The following GRID1 variants were observed in gnomAD, a reference collection of about 807,000 sequenced individuals.
GRID1 encodes the protein glutamate receptor ionotropic, delta-1.
GRID1 carries 28 observed loss-of-function variants against 98.0 expected under a neutral mutation model. That is an observed-to-expected ratio of 0.29 (90% CI 0.21 to 0.39). The LOEUF (loss-of-function observed/expected upper bound fraction) is 0.39. Among genes scored for constraint, GRID1 ranks in the 10% least tolerant of loss-of-function variants. The probability of loss-of-function intolerance (pLI) is 1.00; values close to 1 mark genes in which losing one functional copy is unlikely to be tolerated. For synonymous variants in GRID1, 553 were observed against 538.5 expected (o/e 1.03, Z -0.37); for missense variants, 1,111 against 1,340.5 (o/e 0.83, Z 2.67).
chr10:85,769,288 C>T (rs1842229971), intron 8 of GRID1, among the ~76,000 whole-genome samples: 1 of 152,192 alleles, frequency 6.6e-6, no homozygotes, highest in East Asian at 1.9e-4. Flanking sequence ...TGTTCTCACT[C>T]ATAAGTGGGA....
At chr10:86,253,347 T>C (rs536919586) in intron 2 of GRID1, among the ~76,000 whole-genome samples, 78 of 152,238 alleles carry the variant, frequency 5.1e-4, no homozygotes, top group South Asian at 1.9e-3. Flanking sequence ...TGATTCTTCA[T>C]TGGAAACTGA....
intron 4 of GRID1, among the ~76,000 whole-genome samples, chr10:85,956,249 T>C (rs1165450537): frequency 6.6e-6 from 1 of 152,226 alleles, no homozygotes; most frequent in Admixed American, 6.5e-5. Flanking sequence ...GTGCAAGTCC[T>C]GCACTCCAGG....
intron 2 of GRID1, among the ~76,000 whole-genome samples, chr10:86,271,634 A>G (rs943342249): frequency 1.3e-5 from 2 of 152,272 alleles, no homozygotes; most frequent in Non-Finnish European, 2.9e-5. Flanking sequence ...TTTAAAAAAT[A>G]AACTGAATTG....
chr10:86,115,850 T>G (rs4598617), intron 4 of GRID1, among the ~76,000 whole-genome samples: 138,534 of 152,292 alleles, frequency 0.91, 63,068 homozygotes, highest in East Asian at 1. Flanking sequence ...GTTAACCATG[T>G]ACTGCATCTA....
intron 2 of GRID1, among the ~76,000 whole-genome samples, chr10:86,336,198 A>G (rs2132106172): frequency 6.6e-6 from 1 of 152,298 alleles, no homozygotes; most frequent in African/African-American, 2.4e-5. Context: ...TGTGTCTAAG[A>G]AGGAGATTGT....
intron 3 of GRID1, among the ~76,000 whole-genome samples, chr10:86,146,618 T>C (rs1845092970): frequency 6.6e-6 from 1 of 152,214 alleles, no homozygotes; most frequent in Admixed American, 6.5e-5. Flanking sequence ...TTCTCAGCTA[T>C]GCATTTCCTC....
intron 13 of GRID1, among the ~76,000 whole-genome samples, chr10:85,635,766 G>T (rs1843032517): frequency 6.6e-6 from 1 of 152,144 alleles, no homozygotes; most frequent in Non-Finnish European, 1.5e-5. Context: ...GAAAGCCCAG[G>T]GAAGGCTCAG....
chr10:85,621,141 T>C (rs1842854799), intron 13 of GRID1, among the ~76,000 whole-genome samples: 1 of 152,190 alleles, frequency 6.6e-6, no homozygotes, highest in Admixed American at 6.5e-5. Context: ...CACCTGGCCA[T>C]CTTAAAACAA....
intron 12 of GRID1, among the ~76,000 whole-genome samples, chr10:85,667,421 T>C (rs1033889112): frequency 5.9e-5 from 9 of 151,846 alleles, no homozygotes; most frequent in African/African-American, 1.9e-4. Flanking sequence ...ACACAAACAA[T>C]AGAAGATTAT....
At chr10:86,080,425 AG>A (rs1442012181) in intron 4 of GRID1, among the ~76,000 whole-genome samples, 1 of 11,316 alleles carries the variant, frequency 8.8e-5, no homozygotes, top group Non-Finnish European at 1.5e-4. Flanking sequence ...AGGGGAGGGG[AG>A]GGGAGGGGAG....
At chr10:86,032,339 A>AT (rs1233307915) in intron 4 of GRID1, among the ~76,000 whole-genome samples, 3 of 152,184 alleles carry the variant, frequency 2.0e-5, no homozygotes, top group African/African-American at 7.2e-5. Context: ...CCAGCAGCTC[A>AT]TTGAGAACGG....
intron 5 of GRID1, among the ~76,000 whole-genome samples, chr10:85,873,647 A>G (rs902621751): frequency 6.6e-6 from 1 of 152,184 alleles, no homozygotes; most frequent in Non-Finnish European, 1.5e-5. Flanking sequence ...TCATGCTCTG[A>G]TTAGTGTAGC....
intron 4 of GRID1, among the ~76,000 whole-genome samples, chr10:86,001,882 T>C (rs1422316842): frequency 6.6e-6 from 1 of 152,170 alleles, no homozygotes; most frequent in African/African-American, 2.4e-5. Flanking sequence ...AAGGCCGTGC[T>C]CCCTTCAAAG....
intron 2 of GRID1, among the ~76,000 whole-genome samples, chr10:86,232,199 GAGGGC>G (rs938084804): frequency 6.6e-5 from 10 of 152,214 alleles, no homozygotes; most frequent in Non-Finnish European, 1.0e-4. Flanking sequence ...GGAGGCCAGG[GAGGGC>G]CCCAGGGGAA....
chr10:86,269,603 C>T (rs1434043806), intron 2 of GRID1, among the ~76,000 whole-genome samples: 5 of 152,218 alleles, frequency 3.3e-5, no homozygotes, highest in Admixed American at 3.3e-4. Context: ...CCTCTTGCCT[C>T]TCCTGGTTCT....
chr10:86,365,651 T>A lies in GRID1; in HGVS notation c.79+663A>T, dbSNP rs113371313. ...ACTCTAGGACTGTCCAGGATGGGGA[T>A]GCAGTCGCCACAACCAGATACACAC... On this transcript the variant is annotated intron_variant, in intron 1 of 15. Transcript: ENST00000327946. This position sits in a 1 kb window ranked among gnomAD's most constrained non-coding sequence, Gnocchi z 4.8. Among the ~76,000 whole-genome samples the A allele has an allele frequency of 0.016, 2,372 of 150,968 alleles. 67 individuals carry two copies. Among genetic ancestry groups the A allele is most frequent in the African/African-American group, 0.052 (2,142 of 41,026 alleles).
chr10:86,138,106 A>T (rs533800759), intron 4 of GRID1, among the ~76,000 whole-genome samples: 1 of 152,266 alleles, frequency 6.6e-6, no homozygotes, highest in South Asian at 2.1e-4. Flanking sequence ...CCCAGGCCAG[A>T]GGGAGACCTG....
At chr10:86,244,130 G>A (rs1012432478) in intron 2 of GRID1, among the ~76,000 whole-genome samples, 1 of 152,190 alleles carries the variant, frequency 6.6e-6, no homozygotes, top group Admixed American at 6.5e-5. Flanking sequence ...GGCTGATAGT[G>A]GGACCTGGCC....
chr10:86,070,530 G>A (rs1843788942), intron 4 of GRID1, among the ~76,000 whole-genome samples: 1 of 152,160 alleles, frequency 6.6e-6, no homozygotes, highest in East Asian at 1.9e-4. Flanking sequence ...ATTAGTGTCT[G>A]GAACAGGAGC....
Sources: gnomAD v4.1 joint callset for allele counts (sites outside exome capture counted in the v4.1 genomes callset) on GRCh38, gnomAD v4.1.1 for gene constraint, Gnocchi (gnomAD v3.1) non-coding constraint, MANE v1.5 for transcripts, NCBI Gene and HGNC (gene_info 2026-07-23, HGNC 2026-07-21) for gene names.